The following RBP3 variants were observed in gnomAD, a reference collection of about 807,000 sequenced individuals.
The protein encoded by RBP3 is retinol binding protein 3.
Under a neutral mutation model 64.8 loss-of-function variants are expected in RBP3, and 50 were observed. That is an observed-to-expected ratio of 0.77 (90% confidence interval 0.61 to 0.98). RBP3 has a LOEUF of 0.98. Ranked by LOEUF, RBP3 falls within the 50% of genes least tolerant of loss-of-function variation. RBP3 has a pLI of 0.00. For synonymous variants in RBP3, 828 were observed against 730.2 expected, an observed-to-expected ratio of 1.13 and a Z score of -2.16; for missense variants, 1,712 against 1,660.5, an observed-to-expected ratio of 1.03 and a Z score of -0.54.
rs34700898 is a variant in RBP3 at position 47,349,987 on chromosome 10, C to T, written c.1503C>T (p.Ala501=). 1.5e-3 allele frequency: 2,453 copies of T among 1,612,832 alleles called. 34 individuals are homozygous for T. The African/African-American group carries it at 0.025, about 17-fold the overall frequency. The change falls in exon 1 of 4, where the codon GCC becomes GCT. Residue 501 remains alanine (A), a synonymous_variant. Coordinates refer to ENST00000584701, the MANE Select transcript of RBP3 (RefSeq NM_002900.3). The part of the protein sequence containing the change: ...LLLSYFQGPE[A]GPVHLFTTYD... ...TGTCCTACTTCCAGGGCCCTGAGGC[C>T]GGCCCCGTGCACCTCTTCACCACCT...
intron 2 of RBP3, 49 bp from the exon 3 acceptor site, chr10:47,355,327 C>G: frequency 6.2e-7 from 1 of 1,611,558 alleles, no homozygotes; most frequent in Non-Finnish European, 8.5e-7. Context: ...GCACACAGGG[C>G]CTCACTGTGA....
chr10:47,349,274 C>T lies in RBP3; in HGVS notation c.790C>T (p.Leu264=), dbSNP rs150544293. 5.4e-5 allele frequency: 87 copies of T among 1,613,006 alleles called. No individual in the cohort carries two copies. In the African/African-American group the frequency reaches 1.1e-3, roughly 21 times the overall value. ...VVGERTGGGA[L]DLRKLRIGES... Reference sequence around the variant, plus strand: ...GGGCGAGCGGACTGGGGGAGGGGCCCTGGACCTCCGGAAGCTGAGGATAGG... The same window carrying T: ...GGGCGAGCGGACTGGGGGAGGGGCCTTGGACCTCCGGAAGCTGAGGATAGG... Residue 264 remains leucine, a synonymous_variant, in exon 1 of 4, where the codon CTG becomes TTG. Coordinates refer to ENST00000584701, the MANE Select transcript of RBP3 (RefSeq NM_002900.3).
intron 3 of RBP3, among the ~76,000 whole-genome samples, chr10:47,356,126 G>A (rs1837043475): frequency 6.6e-6 from 1 of 152,184 alleles, no homozygotes; most frequent in Admixed American, 6.5e-5. Context: ...AGGAACTTGT[G>A]CTCCTACCCA....
chr10:47,348,515 G>A lies in RBP3; in HGVS notation c.31G>A (p.Val11Met), dbSNP rs1406852831. MMREWVLLMS[V>M]LLCGLAGPTH... ...GAGAGAATGGGTTCTGCTCATGTCC[G>A]TGCTGCTCTGTGGCCTGGCTGGCCC... Residue 11 changes from valine (V) to methionine (M), a missense_variant, in exon 1 of 4, where the codon GTG becomes ATG. Coordinates refer to ENST00000584701, the MANE Select transcript of RBP3 (RefSeq NM_002900.3). The A allele has an allele frequency of 7.5e-6, 12 of 1,608,020 alleles. 1 individual carries two copies. The highest frequency in any genetic ancestry group is 1.6e-4 in the Middle Eastern group (1 of 6,084).
At chr10:47,351,642 A>T (rs908547386) in intron 1 of RBP3, 104 bp downstream of exon 1, 29 of 1,404,832 alleles carry the variant, frequency 2.1e-5, no homozygotes, top group Non-Finnish European at 2.8e-5. Flanking sequence ...TGGCTTTTAG[A>T]TTTGTTCTCA....
Position 47,349,229 on chromosome 10 carries a change from A to C in RBP3, c.745A>C (p.Met249Leu). 6.2e-7 allele frequency: 1 copy of C among 1,613,424 alleles called. No homozygotes were observed. The highest frequency in any genetic ancestry group is 8.5e-7 in the Non-Finnish European group (1 of 1,180,006). ...GGACATCGCGCACATCCTTAAGCAG[A>C]TGCGCAGGGCCATCGTGGTGGGCGA... ...AEDIAHILKQ[M>L]RRAIVVGERT... Residue 249 changes from methionine to leucine, a missense_variant, in exon 1 of 4, where the codon ATG becomes CTG. Coordinates refer to ENST00000584701, the MANE Select transcript of RBP3 (RefSeq NM_002900.3).
Position 47,351,464 on chromosome 10 carries a change from G to A in RBP3, c.2980G>A (p.Gly994Arg), listed in dbSNP as rs147772956. The stretch of plus-strand genomic sequence containing the variant: ...GGGGGCTGACCTGCAGATGCTCTCC[G>A]GAGACCCACACCTGAAGGCAGCCCA... Reference protein sequence around the residue: ...ILGADLQMLSGDPHLKAAHIP... With the variant: ...ILGADLQMLSRDPHLKAAHIP... The change falls in exon 1 of 4, where the codon GGA becomes AGA. Residue 994 changes from glycine (G) to arginine (R), a missense_variant. Gly to Arg is a moderately radical substitution (Grantham distance 125). Coordinates refer to ENST00000584701, the MANE Select transcript of RBP3 (RefSeq NM_002900.3). 8.4e-5 allele frequency: 136 copies of A among 1,613,774 alleles called. No homozygotes were observed. The highest frequency in any genetic ancestry group is 8.2e-4 in the East Asian group (37 of 44,858).
chr10:47,351,429 C>T lies in RBP3; in HGVS notation c.2945C>T (p.Ala982Val). The change falls in exon 1 of 4, where the codon GCC becomes GTC. Residue 982 changes from alanine to valine, a missense_variant. Transcript: ENST00000584701. The part of the protein sequence containing the change: ...YSRVTSEVAL[A>V]EILGADLQML... ...AGGGTGACCTCAGAAGTGGCCCTAG[C>T]CGAGATCCTGGGGGCTGACCTGCAG... 1 of 1,613,786 alleles carries T rather than the reference C, an allele frequency of 6.2e-7. No homozygotes were observed. The highest frequency in any genetic ancestry group is 1.1e-5 in the South Asian group (1 of 91,086).
chr10:47,350,066 G>A lies in RBP3; in HGVS notation c.1582G>A (p.Gly528Ser), dbSNP rs577066945. 32 of 1,612,930 alleles carry A rather than the reference G, an allele frequency of 2.0e-5. No homozygotes were observed. Among genetic ancestry groups the A allele is most frequent in the Middle Eastern group, 3.3e-4 (2 of 6,062 alleles). The change falls in exon 1 of 4, where the codon GGC (glycine) becomes AGC (serine). Residue 528 changes from glycine (G) to serine (S), a missense_variant. Gly to Ser is a moderately conservative substitution (Grantham distance 56, BLOSUM62 0). Coordinates refer to ENST00000584701, the MANE Select transcript of RBP3 (RefSeq NM_002900.3). ...GCACTTCAGCCACATGGAGCTCCCG[G>A]GCCCACGCTACAGCACCCAACGTGG... ...QEHFSHMELP[G>S]PRYSTQRGVY... is the part of the protein sequence containing the mutation.
chr10:47,356,396 C>T (rs1340319526), intron 3 of RBP3, among the ~76,000 whole-genome samples: 1 of 152,092 alleles, frequency 6.6e-6, no homozygotes, highest in Non-Finnish European at 1.5e-5. Flanking sequence ...ATATGGGAGC[C>T]ACAAGCCACC....
rs782505846 is a variant in RBP3, at chr10:47,349,810, G to C, written c.1326G>C (p.Leu442=). The C allele has an allele frequency of 6.2e-7, 1 of 1,613,274 alleles. No homozygotes were observed. Among genetic ancestry groups the C allele is most frequent in the Non-Finnish European group, 8.5e-7 (1 of 1,180,028 alleles). Residue 442 remains leucine, a synonymous_variant, in exon 1 of 4, where the codon CTG becomes CTC. Transcript: ENST00000584701. ...VSVLPGNVGY[L]RFDSFADASV... is the part of the protein sequence containing the mutation. ...TGCTGCCAGGCAATGTGGGCTACCT[G>C]CGCTTCGATAGTTTTGCTGACGCCT...
rs140354898 is a variant in RBP3, at chr10:47,350,932, C to T, written c.2448C>T (p.Ala816=). ...ACCTGTATTCTGTCTTTGACAGGGC[C>T]ACCTCAAAAGTCACGGAGGTGTGGA... The part of the protein sequence containing the change: ...RQHLYSVFDR[A]TSKVTEVWTL... Residue 816 remains alanine, a synonymous_variant, in exon 1 of 4, where the codon GCC becomes GCT. Coordinates refer to ENST00000584701, the MANE Select transcript of RBP3 (RefSeq NM_002900.3). The T allele has an allele frequency of 3.3e-5, 53 of 1,613,008 alleles. No individual in the cohort carries two copies. The highest frequency in any genetic ancestry group is 9.3e-5 in the African/African-American group (7 of 75,072).
At chr10:47,353,270 G>T in intron 1 of RBP3, 55 bp from the exon 2 acceptor site, 1 of 1,549,792 alleles carries the variant, frequency 6.5e-7, no homozygotes, top group African/African-American at 1.4e-5. Context: ...TGCTTTCCTG[G>T]GCTCTAAAAC....
Position 47,353,339 on chromosome 10 carries a change from A to G in RBP3, c.3069A>G (p.Glu1023=), listed in dbSNP as rs1338844959. Residue 1023 remains glutamate (E), a synonymous_variant, in exon 2 of 4, where the codon GAA becomes GAG. Coordinates refer to ENST00000584701, the MANE Select transcript of RBP3 (RefSeq NM_002900.3). ...GIVPMQIPSP[E]VFEELIKFSF... ...AACTCTTACAGATCCCTTCCCCTGA[A>G]GTATTTGAAGAGCTGATCAAGTTTT... 6.2e-7 allele frequency: 1 copy of G among 1,613,962 alleles called. No individual in the cohort carries two copies. Among genetic ancestry groups the G allele is most frequent in the South Asian group, 1.1e-5 (1 of 91,072 alleles).
At chr10:47,355,589 G>A in intron 3 of RBP3, 71 bp downstream of exon 3, 4 of 1,603,202 alleles carry the variant, frequency 2.5e-6, no homozygotes, top group Non-Finnish European at 3.4e-6. Flanking sequence ...AAGACAGCTT[G>A]GGTGTAGGTA....
Position 47,350,125 on chromosome 10 carries a change from G to C in RBP3, c.1641G>C (p.Thr547=), listed in dbSNP as rs534717081. 6 of 1,612,890 alleles carry C rather than the reference G, an allele frequency of 3.7e-6. No homozygotes were observed. Among genetic ancestry groups the C allele is most frequent in the Non-Finnish European group, 5.1e-6 (6 of 1,180,010 alleles). ...TGCTCACCAGCCACCGCACCGCCAC[G>C]GCCGCGGAGGAGTTCGCCTTCCTTA... ...VYLLTSHRTA[T]AAEEFAFLMQ... The change falls in exon 1 of 4, where the codon ACG becomes ACC. Residue 547 remains threonine (T), a synonymous_variant. Coordinates refer to ENST00000584701, the MANE Select transcript of RBP3 (RefSeq NM_002900.3).
Position 47,349,570 on chromosome 10 carries a change from G to A in RBP3, c.1086G>A (p.Val362=), listed in dbSNP as rs144076746. 5.6e-6 allele frequency: 9 copies of A among 1,612,922 alleles called. No individual in the cohort carries two copies. The African/African-American group carries it at 9.3e-5, about 17-fold the overall frequency. The change falls in exon 1 of 4, where the codon GTG becomes GTA. Residue 362 remains valine (V), a synonymous_variant. Transcript: ENST00000584701. ...TGGCCAGCATGGACTTCTCCACGGT[G>A]GTCTCCGAGGAAGATCTGGTCACCA... ...QHLASMDFST[V]VSEEDLVTKL... is the part of the protein sequence containing the mutation.
rs1276428832 is a variant in RBP3, at chr10:47,350,694, A to G, written c.2210A>G (p.Glu737Gly). The change falls in exon 1 of 4, where the codon GAG becomes GGG. Residue 737 changes from glutamate to glycine, a missense_variant. Coordinates refer to ENST00000584701, the MANE Select transcript of RBP3 (RefSeq NM_002900.3). ...CTTATTGAGGCCCTGTTCAAGACAGAGGTGCTGCCCGGCCAGCTGGGCTAC... is the reference window on the plus strand; with the variant it reads ...CTTATTGAGGCCCTGTTCAAGACAGGGGTGCTGCCCGGCCAGCTGGGCTAC... ...TYLIEALFKT[E>G]VLPGQLGYLR... is the part of the protein sequence containing the mutation. 4 of 1,612,950 alleles carry G rather than the reference A, an allele frequency of 2.5e-6. No homozygotes were observed. In the African/African-American group the frequency reaches 5.3e-5, roughly 22 times the overall value.
At chr10:47,354,277 G>A (rs959358931) in intron 2 of RBP3, among the ~76,000 whole-genome samples, 11 of 152,170 alleles carry the variant, frequency 7.2e-5, no homozygotes, top group African/African-American at 2.4e-4. Flanking sequence ...ACATGCCCCA[G>A]CACCCTCCCT....
Sources: gnomAD v4.1 joint callset for allele counts (sites outside exome capture counted in the v4.1 genomes callset) on GRCh38, gnomAD v4.1.1 for gene constraint, MANE v1.5 for transcripts, NCBI Gene and HGNC (gene_info 2026-07-23, HGNC 2026-07-21) for gene names.